The following NCOR1 variants were observed in gnomAD, a reference collection of about 807,000 sequenced individuals.
The protein encoded by NCOR1 is nuclear receptor corepressor 1.
Under a neutral mutation model 288.1 loss-of-function variants are expected in NCOR1, and 63 were observed. The ratio of observed to expected loss-of-function variants is 0.22; its 90% CI spans 0.18 to 0.27. The LOEUF is 0.27. NCOR1 is among the 10% of genes least tolerant of loss of function. The probability of loss-of-function intolerance (pLI) is 1.00; values close to 1 mark genes in which losing one functional copy is unlikely to be tolerated. For missense variants in NCOR1, 2,397 were observed against 3,019.2 expected, an observed-to-expected ratio of 0.79 and a Z score of 4.83; for synonymous variants, 1,007 against 1,065.9, an observed-to-expected ratio of 0.94 and a Z score of 1.08.
intron 15 of NCOR1, among the ~76,000 whole-genome samples, chr17:16,125,224 G>A (rs550878414): frequency 2.4e-4 from 37 of 152,134 alleles, no homozygotes; most frequent in African/African-American, 8.7e-4. Context: ...TTAGCCGGGC[G>A]TGGTGACGCG....
Position 16,065,530 on chromosome 17 carries a change from A to G in NCOR1, c.4906T>C (p.Ser1636Pro), listed in dbSNP as rs748087517. The part of the protein sequence containing the change: ...NLRPDVARGL[S>P]PREQPLGLPY... ...AGACCCAGTGGCTGCTCTCTTGGGG[A>G]GAGTCCTCTGGCCACATCTGGACGC... The change falls in exon 33 of 46, where the codon TCC (serine) becomes CCC (proline). Residue 1636 changes from serine to proline, a missense_variant. Ser to Pro is a moderately conservative substitution (Grantham distance 74). This residue lies in a region of NCOR1 where 1,872 missense variants were observed against 2,187.8 expected (regional missense o/e 0.86). Coordinates refer to ENST00000268712, the MANE Select transcript of NCOR1 (RefSeq NM_006311.4). 2 of 1,614,042 alleles carry G rather than the reference A, an allele frequency of 1.2e-6. No homozygotes were observed. The highest frequency in any genetic ancestry group is 1.1e-5 in the South Asian group (1 of 91,078).
chr17:16,087,081 G>T, intron 22 of NCOR1: 1 of 938,270 alleles, frequency 1.1e-6, no homozygotes, highest in Non-Finnish European at 1.5e-6. Flanking sequence ...ACACGTCCTG[G>T]AAGAGCAGTT....
Position 16,068,032 on chromosome 17 carries a change from C to G in NCOR1, c.4603G>C (p.Val1535Leu). The G allele has an allele frequency of 6.2e-7, 1 of 1,614,184 alleles. No individual in the cohort carries two copies. The highest frequency in any genetic ancestry group is 8.5e-7 in the Non-Finnish European group (1 of 1,180,028). Residue 1535 changes from valine to leucine, a missense_variant, in exon 32 of 46, where the codon GTG becomes CTG. Physicochemically the swap from Val to Leu is conservative, Grantham distance 32. Around this residue, in one of 11 missense-constraint regions of NCOR1, gnomAD observed 1,872 missense variants for 2,187.8 expected, o/e 0.86. Transcript: ENST00000268712. ...CTCACGACAGGGTCCACCCCAGGCA[C>G]TGGAGACTTCGCTGGGATACTTTCC... ...QRESIPAKSP[V>L]PGVDPVVSHS...
chr17:16,209,121 C>T (rs1014843651), intron 1 of NCOR1, among the ~76,000 whole-genome samples: 4 of 151,834 alleles, frequency 2.6e-5, no homozygotes, highest in African/African-American at 7.3e-5. Context: ...GGTCTAGAGG[C>T]AAAGGATCAA....
At chr17:16,140,346 G>A (rs931897375) in intron 11 of NCOR1, among the ~76,000 whole-genome samples, 20 of 152,184 alleles carry the variant, frequency 1.3e-4, no homozygotes, top group Non-Finnish European at 4.4e-5. Flanking sequence ...ATGTTTTAAA[G>A]CTCTTGATTA....
chr17:16,108,708 C>A, intron 19 of NCOR1, 78 bp downstream of exon 19: 1 of 1,329,248 alleles, frequency 7.5e-7, no homozygotes, highest in Non-Finnish European at 1.0e-6. Context: ...AATGAAGCAA[C>A]TCCTACACAG....
intron 22 of NCOR1, among the ~76,000 whole-genome samples, chr17:16,088,316 T>G (rs2152881153): frequency 6.6e-6 from 1 of 152,282 alleles, no homozygotes; most frequent in Non-Finnish European, 1.5e-5. Context: ...TTCCATCCCT[T>G]GCTTGTTAAA....
In NCOR1 at chr17:16,171,898, C is replaced by A. The variant is rs2153465607; in HGVS notation, c.340G>T (p.Val114Phe). Residue 114 changes from valine to phenylalanine, a missense_variant, in exon 4 of 46, where the codon GTT (valine) becomes TTT (phenylalanine). By Grantham distance (50) the Val-to-Phe change is conservative. Around this residue, in one of 11 missense-constraint regions of NCOR1, gnomAD observed 110 missense variants for 123.2 expected, o/e 0.89. Coordinates refer to ENST00000268712, the MANE Select transcript of NCOR1 (RefSeq NM_006311.4). Reference sequence around the variant, plus strand: ...ACACGCTGAAAATGAGAATCAGAAACCTGTTCCAGACGTGGTCGCTTCGAT... The same window carrying A: ...ACACGCTGAAAATGAGAATCAGAAAACTGTTCCAGACGTGGTCGCTTCGAT... ...LESKRPRLEQ[V>F]SDSHFQRVSA... is the part of the protein sequence containing the mutation. 1 of 1,613,434 alleles carries A rather than the reference C, an allele frequency of 6.2e-7. No individual in the cohort carries two copies. Among genetic ancestry groups the A allele is most frequent in the South Asian group, 1.1e-5 (1 of 90,966 alleles).
chr17:16,086,560 C>A, intron 22 of NCOR1, 118 bp from the exon 23 acceptor site: 1 of 843,450 alleles, frequency 1.2e-6, no homozygotes. Context: ...AAGATGAAAC[C>A]AACAATGAAC....
At chr17:16,044,754 G>T in intron 42 of NCOR1, 1 of 833,030 alleles carries the variant, frequency 1.2e-6, no homozygotes. Context: ...TTTTGGTCCA[G>T]CTTGTTTGCA....
At chr17:16,127,309 A>C (rs541090941) in intron 14 of NCOR1, among the ~76,000 whole-genome samples, 1 of 83,912 alleles carries the variant, frequency 1.2e-5, no homozygotes, top group African/African-American at 4.9e-5. Context: ...ATGTATATAT[A>C]CATGTATGTA....
intron 5 of NCOR1, among the ~76,000 whole-genome samples, chr17:16,162,819 G>A (rs1421424664): frequency 2.6e-5 from 4 of 152,108 alleles, no homozygotes; most frequent in Non-Finnish European, 5.9e-5. Context: ...CTTGAGTTGC[G>A]AGAAGAAATG....
chr17:16,127,253 ATGTG>A lies in NCOR1; in HGVS notation c.1510-1051_1510-1048del, dbSNP rs1263494908. Among the ~76,000 whole-genome samples the A allele has an allele frequency of 8.4e-3, 1,023 of 122,078 alleles. 70 individuals are homozygous for A. The highest frequency in any genetic ancestry group is 0.034 in the African/African-American group (943 of 28,086). 80.1% of individuals were successfully genotyped at this position (122,078 alleles called of 152,430 possible). A position where few individuals can be genotyped will look rare whatever the true frequency, so the allele number is the denominator to read the frequency against. The stretch of plus-strand genomic sequence containing the variant: ...CATGTATGCATATATGTATGTATAT[ATGTG>A]TGTGTATATATGTATGTATATATAC... On this transcript the variant is annotated intron_variant, in intron 14 of 45. Transcript: ENST00000268712.
intron 1 of NCOR1, among the ~76,000 whole-genome samples, chr17:16,203,040 T>TACACACACACACACACACACACAC (rs57228948): frequency 2.7e-5 from 4 of 146,952 alleles, no homozygotes; most frequent in African/African-American, 1.0e-4. Context: ...AGCTGTTCCT[T>TACACACACACACACACACACACAC]ACACACACAC....
chr17:16,108,697 CAA>C lies in NCOR1; in HGVS notation c.2182+87_2182+88del, dbSNP rs1322186122. 510 of 1,144,946 alleles carry C rather than the reference CAA, an allele frequency of 4.5e-4. 2 individuals carry two copies. In the African/African-American group the frequency reaches 7.4e-3, roughly 17 times the overall value. 70.9% of individuals were successfully genotyped at this position (1,144,946 alleles called of 1,614,324 possible). Reference sequence around the variant, plus strand: ...TGAAAACACTGGCACACTGTTTCCTCAATGAAGCAACTCCTACACAGTCAAAT... The same window carrying C: ...TGAAAACACTGGCACACTGTTTCCTCTGAAGCAACTCCTACACAGTCAAAT... On this transcript the variant is annotated intron_variant, in intron 19 of 45. Coordinates refer to ENST00000268712, the MANE Select transcript of NCOR1 (RefSeq NM_006311.4).
intron 2 of NCOR1, among the ~76,000 whole-genome samples, chr17:16,190,935 C>T (rs943573113): frequency 6.6e-6 from 1 of 152,202 alleles, no homozygotes; most frequent in African/African-American, 2.4e-5. Context: ...CAAACTGCAG[C>T]CATGGGAAGG....
At chr17:16,181,151 T>A (rs914223988) in intron 3 of NCOR1, among the ~76,000 whole-genome samples, 5 of 150,672 alleles carry the variant, frequency 3.3e-5, no homozygotes, top group Non-Finnish European at 7.4e-5. Context: ...AGAGTGAGAC[T>A]CTGTCTAAAA....
At chr17:16,069,977 C>A (rs994890658) in intron 31 of NCOR1, among the ~76,000 whole-genome samples, 188 bp downstream of exon 31, 3 of 152,122 alleles carry the variant, frequency 2.0e-5, no homozygotes, top group Non-Finnish European at 4.4e-5. Flanking sequence ...ATTTAAATAT[C>A]AGGTATTTTA....
At chr17:16,114,652 C>G (rs1262444096) in intron 18 of NCOR1, among the ~76,000 whole-genome samples, 1 of 152,212 alleles carries the variant, frequency 6.6e-6, no homozygotes, top group East Asian at 1.9e-4. Context: ...AGTCCAAAAT[C>G]CAGCAGGGCA....
Sources: allele counts gnomAD v4.1 joint callset (sites outside exome capture counted in the v4.1 genomes callset), GRCh38; gene constraint gnomAD v4.1.1; regional missense constraint gnomAD v4.1.1; transcripts MANE v1.5; gene names NCBI Gene and HGNC (gene_info 2026-07-23, HGNC 2026-07-21).